The following PCDHA9 variants were observed in gnomAD, a reference collection of about 807,000 sequenced individuals.
The protein encoded by PCDHA9 is protocadherin alpha-9.
Under a neutral mutation model 62.0 loss-of-function variants are expected in PCDHA9, and 62 were observed. The observed-to-expected ratio is 1.00, with a 90% CI of 0.81 to 1.23. PCDHA9 has a LOEUF of 1.23. PCDHA9 is among the 50% of genes most tolerant of loss of function. The pLI, the probability that PCDHA9 is intolerant of heterozygous loss-of-function variation, is 0.00. For synonymous variants in PCDHA9, 557 were observed against 567.6 expected (o/e 0.98, Z 0.27); for missense variants, 1,205 against 1,249.8 (o/e 0.96, Z 0.54).
chr5:140,869,284 C>T, intron 1 of PCDHA9: 1 of 1,613,582 alleles, frequency 6.2e-7, no homozygotes, highest in Non-Finnish European at 8.5e-7. Flanking sequence ...GGAGCTGGTG[C>T]AGCGCCTGTT....
chr5:140,943,830 G>C (rs1245752469), intron 1 of PCDHA9, among the ~76,000 whole-genome samples: 1 of 152,198 alleles, frequency 6.6e-6, no homozygotes, highest in Non-Finnish European at 1.5e-5. Context: ...TGAGTTGATT[G>C]AAGTTGTAAG....
intron 1 of PCDHA9, among the ~76,000 whole-genome samples, chr5:140,934,086 G>C (rs540895208): frequency 1.3e-5 from 2 of 151,872 alleles, no homozygotes; most frequent in Admixed American, 1.3e-4. Context: ...TCGCTTTGTT[G>C]TATGTTTGCT....
chr5:140,999,934 T>C (rs1236304987), intron 3 of PCDHA9, among the ~76,000 whole-genome samples: 1 of 152,068 alleles, frequency 6.6e-6, no homozygotes, highest in Non-Finnish European at 1.5e-5. Context: ...GCTCAACTCA[T>C]TCCACCCAAA....
chr5:140,918,991 G>A (rs1453656237), intron 1 of PCDHA9, among the ~76,000 whole-genome samples: 2 of 152,184 alleles, frequency 1.3e-5, no homozygotes, highest in African/African-American at 4.8e-5. Flanking sequence ...GGTTTTTAGT[G>A]TTGTTCACAT....
intron 1 of PCDHA9, chr5:140,929,202 G>T (rs2085922750): frequency 1.2e-6 from 2 of 1,613,984 alleles, no homozygotes; most frequent in African/African-American, 1.3e-5. Context: ...ACAGTTTGCT[G>T]TTGCGTGGGG....
intron 1 of PCDHA9, among the ~76,000 whole-genome samples, chr5:140,919,585 G>A (rs2079204849): frequency 6.6e-6 from 1 of 151,898 alleles, no homozygotes; most frequent in African/African-American, 2.4e-5. Flanking sequence ...ATGTAACATG[G>A]TAATTTTTAA....
At chr5:140,969,930 C>T (rs1200018667) in intron 1 of PCDHA9, among the ~76,000 whole-genome samples, 1 of 152,178 alleles carries the variant, frequency 6.6e-6, no homozygotes, top group Non-Finnish European at 1.5e-5. Flanking sequence ...AGTATTTAGA[C>T]ATCATACTGA....
chr5:141,003,291 G>C (rs1402781511), intron 3 of PCDHA9, among the ~76,000 whole-genome samples: 1 of 152,158 alleles, frequency 6.6e-6, no homozygotes, highest in Non-Finnish European at 1.5e-5. Flanking sequence ...TGGATTATAG[G>C]ATTACATGAA....
At chr5:140,878,899 G>T (rs1301967468) in intron 1 of PCDHA9, among the ~76,000 whole-genome samples, 2 of 152,152 alleles carry the variant, frequency 1.3e-5, no homozygotes, top group Non-Finnish European at 2.9e-5. Context: ...CTACAGGCAG[G>T]CTCCACCACT....
chr5:141,003,981 C>T (rs1485203944), intron 3 of PCDHA9, among the ~76,000 whole-genome samples: 9 of 152,072 alleles, frequency 5.9e-5, no homozygotes, highest in Admixed American at 2.6e-4. Flanking sequence ...GGGGACTTGC[C>T]GGAGATCCTA....
intron 1 of PCDHA9, among the ~76,000 whole-genome samples, chr5:140,926,001 C>A (rs782316154): frequency 3.3e-5 from 5 of 152,302 alleles, no homozygotes; most frequent in Middle Eastern, 3.4e-3. Flanking sequence ...TCCGCTGCCT[C>A]GAAAAGCCAG....
intron 1 of PCDHA9, chr5:140,875,502 A>G (rs201298546): frequency 1.7e-5 from 28 of 1,613,494 alleles, no homozygotes; most frequent in Non-Finnish European, 2.3e-5. Context: ...GAGGCCCGGG[A>G]TCCCAGCGTC....
intron 1 of PCDHA9, chr5:140,875,547 G>C (rs558501431): frequency 1.2e-6 from 2 of 1,614,152 alleles, no homozygotes; most frequent in Admixed American, 1.7e-5. Context: ...CAGCCTGGGA[G>C]GTGGGGAGCG....
At chr5:141,007,199 G>A (rs561958637) in intron 3 of PCDHA9, among the ~76,000 whole-genome samples, 3 of 152,036 alleles carry the variant, frequency 2.0e-5, no homozygotes, top group African/African-American at 7.2e-5. Flanking sequence ...TGATGGTGGG[G>A]GCCAGAATAT....
Position 140,848,630 on chromosome 5 carries a change from G to T in PCDHA9, c.135G>T (p.Val45=). The change falls in exon 1 of 4, where the codon GTG becomes GTT. Residue 45 remains valine (V), a synonymous_variant. Transcript: ENST00000532602. ...VPEEAEHGTF[V]GRIAQDLGLE... Reference sequence around the variant, plus strand: ...AGGAAGCCGAACACGGCACCTTCGTGGGCCGCATCGCGCAGGACCTGGGGC... The same window carrying T: ...AGGAAGCCGAACACGGCACCTTCGTTGGCCGCATCGCGCAGGACCTGGGGC... 6.3e-7 allele frequency: 1 copy of T among 1,593,376 alleles called. No homozygotes were observed. Among genetic ancestry groups the T allele is most frequent in the Non-Finnish European group, 8.6e-7 (1 of 1,163,930 alleles).
chr5:140,905,248 C>T (rs143714633), intron 1 of PCDHA9, among the ~76,000 whole-genome samples: 1,610 of 152,202 alleles, frequency 0.011, 17 homozygotes, highest in African/African-American at 0.028. Flanking sequence ...TTCATTCTTC[C>T]ACATGAGGCT....
chr5:141,000,389 C>CTA (rs2097911342), intron 3 of PCDHA9, among the ~76,000 whole-genome samples: 14 of 62,576 alleles, frequency 2.2e-4, no homozygotes, highest in South Asian at 6.5e-4. Context: ...CTCTCTCTCT[C>CTA]TCTCTCTATA....
Position 140,929,116 on chromosome 5 carries a change from A to G in PCDHA9, c.2395-49833A>G, listed in dbSNP as rs535394812. The G allele has an allele frequency of 2.9e-5, 47 of 1,614,170 alleles. No homozygotes were observed. The East Asian group carries it at 8.9e-4, about 31-fold the overall frequency. Reference sequence around the variant, plus strand: ...AAATCCTTGCATGACATCAGCCACCATAGATGTCACTACAGTTGAGAGACT... The same window carrying G: ...AAATCCTTGCATGACATCAGCCACCGTAGATGTCACTACAGTTGAGAGACT... On this transcript the variant is annotated intron_variant, in intron 1 of 3. Coordinates refer to ENST00000532602, the MANE Select transcript of PCDHA9 (RefSeq NM_031857.2).
At chr5:140,974,779 C>T (rs950634910) in intron 1 of PCDHA9, among the ~76,000 whole-genome samples, 1 of 152,160 alleles carries the variant, frequency 6.6e-6, no homozygotes, top group African/African-American at 2.4e-5. Context: ...TGAGCCACTG[C>T]GCCCAGCCCT....
Sources: gnomAD v4.1 joint callset for allele counts (sites outside exome capture counted in the v4.1 genomes callset) on GRCh38, gnomAD v4.1.1 for gene constraint, MANE v1.5 for transcripts, NCBI Gene and HGNC (gene_info 2026-07-23, HGNC 2026-07-21) for gene names.